The following ZDHHC15 variants were observed in gnomAD, a reference collection of about 807,000 sequenced individuals.
ZDHHC15 encodes the protein zDHHC palmitoyltransferase 15.
ZDHHC15 carries 19 observed loss-of-function variants against 31.7 expected under a neutral mutation model. The observed-to-expected ratio is 0.60, with a 90% CI of 0.42 to 0.88. The LOEUF (loss-of-function observed/expected upper bound fraction) is 0.88, where lower values mean the gene tolerates loss of function less well. Ranked by LOEUF, ZDHHC15 falls within the 40% of genes least tolerant of loss-of-function variation. The pLI, the probability that ZDHHC15 is intolerant of heterozygous loss-of-function variation, is 0.00. For synonymous variants in ZDHHC15, 103 were observed against 90.0 expected (o/e 1.14, Z -0.82); for missense variants, 209 against 251.2 (o/e 0.83, Z 1.14).
intron 3 of ZDHHC15, among the ~76,000 whole-genome samples, chrX:75,463,924 C>T (rs1240771392): frequency 1.8e-5 from 2 of 111,888 alleles, no homozygotes; most frequent in Non-Finnish European, 3.8e-5. Context: ...ACCCAGCCAT[C>T]CCATTACTGG....
chrX:75,414,303 T>C (rs1346317037), intron 10 of ZDHHC15, among the ~76,000 whole-genome samples: 2 of 111,655 alleles, frequency 1.8e-5, no homozygotes, highest in African/African-American at 6.5e-5. Flanking sequence ...TAAAGGTGTT[T>C]CTTTACCTTA....
intron 8 of ZDHHC15, 73 bp from the exon 9 acceptor site, chrX:75,422,063 T>G (rs2083651818): frequency 9.0e-7 from 1 of 1,107,390 alleles, no homozygotes; most frequent in South Asian, 2.2e-5. Context: ...ATAGTCATGA[T>G]TTTACATTTC....
intron 10 of ZDHHC15, among the ~76,000 whole-genome samples, chrX:75,402,340 G>A (rs896041534): frequency 1.8e-5 from 2 of 110,860 alleles, no homozygotes; most frequent in African/African-American, 6.6e-5. Context: ...AATTAGAGAA[G>A]CAAGAACAAA....
intron 10 of ZDHHC15, among the ~76,000 whole-genome samples, chrX:75,388,540 A>AT (rs770208134): frequency 2.4e-4 from 27 of 111,989 alleles, no homozygotes; most frequent in African/African-American, 7.8e-4. Flanking sequence ...TCTATGACAT[A>AT]TTTTTTGGTA....
In ZDHHC15 at chrX:75,454,105, G is replaced by A; in HGVS notation, c.259-3183C>T. Reference sequence around the variant, plus strand: ...GAAAAGAGGAAGTCAAATTGTCCCTGTTTGCAGATGACATGATTGTATATT... The same window carrying A: ...GAAAAGAGGAAGTCAAATTGTCCCTATTTGCAGATGACATGATTGTATATT... On this transcript the variant is annotated intron_variant, in intron 3 of 11. Coordinates refer to ENST00000373367, the MANE Select transcript of ZDHHC15 (RefSeq NM_144969.3). Among the ~76,000 whole-genome samples the A allele has an allele frequency of 1.8e-5, 2 of 111,731 alleles. 1 individual carries two copies. Among genetic ancestry groups the A allele is most frequent in the Middle Eastern group, 9.2e-3 (2 of 217 alleles).
At chrX:75,481,167 G>C (rs886358104) in intron 2 of ZDHHC15, among the ~76,000 whole-genome samples, 20 of 110,811 alleles carry the variant, frequency 1.8e-4, no homozygotes, top group African/African-American at 5.6e-4. Flanking sequence ...GGTTTGTACG[G>C]GGAAAATTAC....
chrX:75,440,785 A>G (rs1359725518), intron 4 of ZDHHC15, among the ~76,000 whole-genome samples: 1 of 112,063 alleles, frequency 8.9e-6, no homozygotes, highest in East Asian at 2.8e-4. Flanking sequence ...GGGCATGTAG[A>G]GAAAGGCCAT....
At chrX:75,496,053 C>T (rs570606411) in intron 2 of ZDHHC15, among the ~76,000 whole-genome samples, 2 of 110,218 alleles carry the variant, frequency 1.8e-5, no homozygotes, top group Non-Finnish European at 3.8e-5. Flanking sequence ...TTAGAAGATA[C>T]AGAATGGCAG....
chrX:75,445,488 C>G (rs150721624), intron 4 of ZDHHC15, among the ~76,000 whole-genome samples: 171 of 112,011 alleles, frequency 1.5e-3, no homozygotes, highest in African/African-American at 5.3e-3. Context: ...CTTGTAGCTT[C>G]TAACATGACT....
At chrX:75,497,683 A>C (rs773100871) in intron 2 of ZDHHC15, among the ~76,000 whole-genome samples, 4 of 111,956 alleles carry the variant, frequency 3.6e-5, no homozygotes, top group Non-Finnish European at 7.5e-5. Context: ...ATACGCAAGC[A>C]ATAAATATGA....
At chrX:75,494,626 C>T (rs2084958855) in intron 2 of ZDHHC15, among the ~76,000 whole-genome samples, 1 of 111,727 alleles carries the variant, frequency 9.0e-6, no homozygotes, top group African/African-American at 3.3e-5. Flanking sequence ...AGAAATAATG[C>T]CGCTTATCTA....
At chrX:75,501,822 T>C (rs2085091986) in intron 2 of ZDHHC15, 1 of 111,542 alleles carries the variant, frequency 9.0e-6, no homozygotes, top group Non-Finnish European at 1.9e-5. Context: ...ATTTAAGTTC[T>C]TTATAGCTGC....
chrX:75,415,499 A>G (rs767978858), intron 10 of ZDHHC15, among the ~76,000 whole-genome samples: 51 of 112,417 alleles, frequency 4.5e-4, no homozygotes, highest in Non-Finnish European at 8.4e-4. Flanking sequence ...ATGGCATGCA[A>G]TCACAGCACT....
At chrX:75,401,471 C>T (rs1462492339) in intron 10 of ZDHHC15, among the ~76,000 whole-genome samples, 1 of 111,282 alleles carries the variant, frequency 9.0e-6, no homozygotes, top group Non-Finnish European at 1.9e-5. Context: ...AAGCAAGATC[C>T]AATGGCATGC....
chrX:75,444,658 A>G (rs1169208164), intron 4 of ZDHHC15, among the ~76,000 whole-genome samples: 5 of 71,050 alleles, frequency 7.0e-5, no homozygotes, highest in Non-Finnish European at 1.0e-4. Flanking sequence ...ATATATATAT[A>G]TATATATATA....
rs2083649735 is a variant in ZDHHC15, at chrX:75,421,979, T to C, written c.748A>G (p.Thr250Ala). The change falls in exon 9 of 12, where the codon ACT (threonine) becomes GCT (alanine). Residue 250 changes from threonine (T) to alanine (A), a missense_variant. By Grantham distance (58) the Thr-to-Ala change is moderately conservative (BLOSUM62 0). Transcript: ENST00000373367. ...RNKTTLEAFCTPVFTSGPEKN... is the reference protein window; with the variant it reads ...RNKTTLEAFCAPVFTSGPEKN... The stretch of plus-strand genomic sequence containing the variant: ...TCTGGGCCACTTGTAAACACTGGAG[T>C]GCAGAAGGCCTCTAAGGCAGGGCAG... 1.7e-6 allele frequency: 2 copies of C among 1,207,879 alleles called. No homozygotes were observed. The highest frequency in any genetic ancestry group is 2.2e-6 in the Non-Finnish European group (2 of 893,777).
At chrX:75,392,258 C>T (rs1435855014) in intron 10 of ZDHHC15, among the ~76,000 whole-genome samples, 2 of 112,008 alleles carry the variant, frequency 1.8e-5, no homozygotes, top group African/African-American at 3.2e-5. Flanking sequence ...AGAAAGCATC[C>T]AGCACTAGAG....
intron 1 of ZDHHC15, among the ~76,000 whole-genome samples, chrX:75,518,249 G>A (rs1027457651): frequency 1.8e-5 from 2 of 111,384 alleles, no homozygotes; most frequent in African/African-American, 6.5e-5. Context: ...TTCAGAACAT[G>A]CAAAAAATAT....
chrX:75,450,067 G>T (rs2084094813), intron 4 of ZDHHC15, among the ~76,000 whole-genome samples: 1 of 111,354 alleles, frequency 9.0e-6, no homozygotes, highest in Non-Finnish European at 1.9e-5. Flanking sequence ...CTAGTGAATG[G>T]ATAAACTTTG....
Sources: gnomAD v4.1 joint callset for allele counts (sites outside exome capture counted in the v4.1 genomes callset) on GRCh38, gnomAD v4.1.1 for gene constraint, MANE v1.5 for transcripts, NCBI Gene and HGNC (gene_info 2026-07-23, HGNC 2026-07-21) for gene names.